The following NRXN1 variants were observed in gnomAD, a reference collection of about 807,000 sequenced individuals.
NRXN1 encodes neurexin 1.
Under a neutral mutation model 150.9 loss-of-function variants are expected in NRXN1, and 39 were observed. The ratio of observed to expected loss-of-function variants is 0.26; its 90% CI spans 0.20 to 0.34. NRXN1 has a LOEUF of 0.34. Among genes scored for constraint, NRXN1 ranks in the 10% least tolerant of loss-of-function variants. NRXN1 has a pLI of 1.00. For missense variants in NRXN1, 1,815 were observed against 1,949.9 expected (o/e 0.93, Z 1.30); for synonymous variants, 924 against 757.0 (o/e 1.22, Z -3.62).
intron 17 of NRXN1, among the ~76,000 whole-genome samples, chr2:50,307,499 G>C (rs1210781020): frequency 6.6e-6 from 1 of 152,174 alleles, no homozygotes; most frequent in African/African-American, 2.4e-5. Flanking sequence ...GGTCATCTGA[G>C]TAGAATGCAG....
chr2:50,294,343 A>G (rs1247981126), intron 17 of NRXN1, among the ~76,000 whole-genome samples: 1 of 152,232 alleles, frequency 6.6e-6, no homozygotes, highest in Non-Finnish European at 1.5e-5. Context: ...AAAAATAACA[A>G]ATTATTTATT....
chr2:50,324,146 T>G (rs1192505587), intron 17 of NRXN1, among the ~76,000 whole-genome samples: 8 of 152,042 alleles, frequency 5.3e-5, no homozygotes, highest in African/African-American at 2.4e-5. Flanking sequence ...TATGCTTGAG[T>G]AGAAGGAGAC....
At chr2:50,931,224 C>G (rs928516170) in intron 2 of NRXN1, among the ~76,000 whole-genome samples, 2 of 152,050 alleles carry the variant, frequency 1.3e-5, no homozygotes, top group African/African-American at 4.8e-5. Context: ...AAATTTTTTT[C>G]ACCATTTTTT....
chr2:50,835,224 A>C (rs943968013), intron 5 of NRXN1, among the ~76,000 whole-genome samples: 2 of 152,070 alleles, frequency 1.3e-5, no homozygotes, highest in African/African-American at 4.8e-5. Context: ...TTGTCTCCCA[A>C]AAAAAATTTA....
At chr2:50,503,749 A>G (rs1436931183) in intron 13 of NRXN1, among the ~76,000 whole-genome samples, 4 of 152,106 alleles carry the variant, frequency 2.6e-5, no homozygotes, top group African/African-American at 9.7e-5. Context: ...TCTAGGGCAA[A>G]ATTTTGATGA....
chr2:49,964,528 C>T (rs1676594520), intron 21 of NRXN1, among the ~76,000 whole-genome samples: 4 of 150,080 alleles, frequency 2.7e-5, no homozygotes, highest in Non-Finnish European at 4.4e-5. Flanking sequence ...TGCGGTGAGC[C>T]GAGATCACGC....
chr2:50,359,253 T>C (rs1247878289), intron 17 of NRXN1, among the ~76,000 whole-genome samples: 8 of 151,802 alleles, frequency 5.3e-5, no homozygotes, highest in Non-Finnish European at 7.4e-5. Context: ...GGACGGCGAA[T>C]GAGTTTGACG....
chr2:50,222,837 C>T (rs1223687104), intron 18 of NRXN1, among the ~76,000 whole-genome samples: 1 of 151,780 alleles, frequency 6.6e-6, no homozygotes, highest in Non-Finnish European at 1.5e-5. Flanking sequence ...TGTACCTATA[C>T]TATACACAAA....
Position 51,027,847 on chromosome 2 carries a change from T to C in NRXN1, c.427A>G (p.Lys143Glu). The change falls in exon 2 of 23, where the codon AAG becomes GAG. Residue 143 changes from lysine (K) to glutamate (E), a missense_variant. This residue lies in a region of NRXN1 where 554 missense variants were observed against 478.8 expected (regional missense o/e 1.16). Coordinates refer to ENST00000401669, the MANE Select transcript of NRXN1 (RefSeq NM_001330078.2). Reference sequence around the variant, plus strand: ...CTGAACACCGTCATGTCCCTGCGCTTGGACTTGACCTCCACCCACTTGGCC... The same window carrying C: ...CTGAACACCGTCATGTCCCTGCGCTCGGACTTGACCTCCACCCACTTGGCC... ...VEAKWVEVKS[K>E]RRDMTVFSGL... 6.2e-7 allele frequency: 1 copy of C among 1,613,294 alleles called. No homozygotes were observed. The highest frequency in any genetic ancestry group is 8.5e-7 in the Non-Finnish European group (1 of 1,179,704).
intron 5 of NRXN1, among the ~76,000 whole-genome samples, chr2:50,653,067 T>G (rs1414319115): frequency 6.6e-6 from 1 of 152,056 alleles, no homozygotes; most frequent in Non-Finnish European, 1.5e-5. Flanking sequence ...ACATGGATCA[T>G]GTTGACTCCC....
intron 5 of NRXN1, among the ~76,000 whole-genome samples, chr2:50,905,775 A>G (rs1272847362): frequency 6.6e-6 from 1 of 152,148 alleles, no homozygotes; most frequent in Non-Finnish European, 1.5e-5. Context: ...TAAACATGAC[A>G]TATGTATTTA....
chr2:50,832,353 G>T (rs1671522974), intron 5 of NRXN1, among the ~76,000 whole-genome samples: 1 of 152,132 alleles, frequency 6.6e-6, no homozygotes. Context: ...GGAAGACACT[G>T]AAAAAATGAC....
chr2:50,467,015 CT>C (rs1463619470), intron 16 of NRXN1, among the ~76,000 whole-genome samples: 1 of 151,650 alleles, frequency 6.6e-6, no homozygotes, highest in Non-Finnish European at 1.5e-5. Context: ...CAACCAAATG[CT>C]GCATAAATGA....
At chr2:50,375,186 G>C (rs1386307661) in intron 17 of NRXN1, among the ~76,000 whole-genome samples, 2 of 151,904 alleles carry the variant, frequency 1.3e-5, no homozygotes, top group Non-Finnish European at 2.9e-5. Context: ...GCTTTTAAGA[G>C]GAAAGTTGCA....
chr2:50,336,619 G>A (rs2077207234), intron 17 of NRXN1, among the ~76,000 whole-genome samples: 1 of 152,132 alleles, frequency 6.6e-6, no homozygotes. Flanking sequence ...TGTAAATCAT[G>A]ACTGCGCTTG....
At chr2:50,874,454 C>G (rs906898527) in intron 5 of NRXN1, among the ~76,000 whole-genome samples, 5 of 151,608 alleles carry the variant, frequency 3.3e-5, no homozygotes, top group African/African-American at 1.2e-4. Context: ...ACTGGTCACA[C>G]AAGGAGAAAG....
At chr2:50,262,345 C>T (rs752069432) in intron 17 of NRXN1, among the ~76,000 whole-genome samples, 4 of 151,930 alleles carry the variant, frequency 2.6e-5, no homozygotes, top group South Asian at 2.1e-4. Context: ...ATATACCCTA[C>T]ATGGCTGTTC....
intron 19 of NRXN1, among the ~76,000 whole-genome samples, 198 bp from the exon 20 acceptor site, chr2:50,055,242 T>C (rs1693416918): frequency 6.6e-6 from 1 of 152,220 alleles, no homozygotes; most frequent in African/African-American, 2.4e-5. Context: ...AAATTATTCC[T>C]ATGTTAATTG....
chr2:50,038,512 A>T (rs1573548946), intron 21 of NRXN1, among the ~76,000 whole-genome samples: 1 of 152,164 alleles, frequency 6.6e-6, no homozygotes, highest in African/African-American at 2.4e-5. Context: ...ACACAGCTGA[A>T]CCTTCCAGTG....
Sources: gnomAD v4.1 joint callset for allele counts (sites outside exome capture counted in the v4.1 genomes callset) on GRCh38, gnomAD v4.1.1 for gene constraint, gnomAD v4.1.1 regional missense constraint, MANE v1.5 for transcripts, NCBI Gene and HGNC (gene_info 2026-07-23, HGNC 2026-07-21) for gene names.